ANOS1: variants seen among roughly 807,000 people sequenced by gnomAD.
ANOS1 encodes the protein anosmin 1, also known as anosmin-1.
A neutral mutation model predicts 59.0 loss-of-function variants in ANOS1; 6 were observed. The observed-to-expected ratio is 0.10, with a 90% CI of 0.06 to 0.20. The LOEUF (loss-of-function observed/expected upper bound fraction) is 0.20. ANOS1 is among the 10% of genes least tolerant of loss of function. The pLI is 1.00. For synonymous variants in ANOS1, 217 were observed against 223.4 expected (o/e 0.97, Z 0.25); for missense variants, 433 against 542.3 (o/e 0.80, Z 2.00).
intron 9 of ANOS1, among the ~76,000 whole-genome samples, chrX:8,546,199 G>C (rs1162460122): frequency 3.6e-5 from 4 of 112,127 alleles, no homozygotes; most frequent in Non-Finnish European, 7.5e-5. Flanking sequence ...CATGTTTTAT[G>C]AATGTCTGGG....
intron 6 of ANOS1, among the ~76,000 whole-genome samples, chrX:8,573,056 ATTTTTT>A (rs34564264): frequency 1.6e-4 from 13 of 81,178 alleles, no homozygotes; most frequent in African/African-American, 6.6e-4. Context: ...ACTCTACTGG[ATTTTTT>A]TTTTTTTTTT....
intron 6 of ANOS1, among the ~76,000 whole-genome samples, chrX:8,583,945 T>A (rs1273226374): frequency 1.8e-5 from 2 of 111,706 alleles, no homozygotes; most frequent in Non-Finnish European, 3.8e-5. Flanking sequence ...GCCCAGATCC[T>A]GAGGATCTTG....
At chrX:8,701,013 AAAAT>A (rs775551919) in intron 1 of ANOS1, among the ~76,000 whole-genome samples, 6 of 112,022 alleles carry the variant, frequency 5.4e-5, no homozygotes, top group Non-Finnish European at 9.4e-5. Context: ...CCATCTCAAA[AAAAT>A]AAATAAATAA....
At chrX:8,567,550 T>A in intron 8 of ANOS1, among the ~76,000 whole-genome samples, 1 of 111,979 alleles carries the variant, frequency 8.9e-6, no homozygotes, top group Non-Finnish European at 1.9e-5. Flanking sequence ...TCCCAGCACT[T>A]TGGGAGGCCG....
chrX:8,605,670 G>A (rs1471481059), intron 3 of ANOS1, among the ~76,000 whole-genome samples: 4 of 101,319 alleles, frequency 3.9e-5, no homozygotes, highest in Non-Finnish European at 4.0e-5. Context: ...AAAAGGAAAA[G>A]AAAGAAAAGA....
At chrX:8,538,326 T>C (rs2146788349) in intron 10 of ANOS1, among the ~76,000 whole-genome samples, 1 of 112,651 alleles carries the variant, frequency 8.9e-6, no homozygotes, top group South Asian at 3.6e-4. Context: ...AGTGAATTAG[T>C]GGATGCTCCA....
intron 1 of ANOS1, among the ~76,000 whole-genome samples, chrX:8,720,297 A>C (rs904165925): frequency 9.0e-6 from 1 of 111,392 alleles, no homozygotes; most frequent in African/African-American, 3.3e-5. Flanking sequence ...AGGACACCGC[A>C]ACTTTTGTTG....
chrX:8,646,794 G>T (rs931982258), intron 2 of ANOS1, among the ~76,000 whole-genome samples: 2 of 108,807 alleles, frequency 1.8e-5, no homozygotes, highest in Non-Finnish European at 1.9e-5. Context: ...TTAGCTTGGC[G>T]TGGTGGTGCA....
At chrX:8,626,715 T>C (rs1283709484) in intron 2 of ANOS1, among the ~76,000 whole-genome samples, 1 of 107,721 alleles carries the variant, frequency 9.3e-6, no homozygotes, top group Non-Finnish European at 1.9e-5. Context: ...AAAAAAATTA[T>C]CCAGGCGTGG....
chrX:8,659,114 C>G (rs1363562812), intron 2 of ANOS1, among the ~76,000 whole-genome samples: 2 of 110,766 alleles, frequency 1.8e-5, no homozygotes, highest in African/African-American at 6.6e-5. Context: ...GTAATCCCAG[C>G]TACTCAGGAG....
chrX:8,596,150 T>C (rs902218813), intron 4 of ANOS1, among the ~76,000 whole-genome samples: 95 of 111,137 alleles, frequency 8.5e-4, no homozygotes, highest in African/African-American at 3.0e-3. Context: ...AATGTTATAA[T>C]AATAGAAATA....
In ANOS1 at chrX:8,713,075, T is replaced by C. The variant is rs73477316; in HGVS notation, c.208-13330A>G. ...GTCAACAAGGTGGAATCAAAACTCATGTTTCAAAAGACATGGCAGCCAGAC... is the reference window on the plus strand; with the variant it reads ...GTCAACAAGGTGGAATCAAAACTCACGTTTCAAAAGACATGGCAGCCAGAC... On this transcript the variant is annotated intron_variant, in intron 1 of 13. Coordinates refer to ENST00000262648, the MANE Select transcript of ANOS1 (RefSeq NM_000216.4). Among the ~76,000 whole-genome samples the C allele has an allele frequency of 5.2e-3, 578 of 110,919 alleles. 3 individuals are homozygous for C. Among genetic ancestry groups the C allele is most frequent in the African/African-American group, 0.018 (542 of 30,544 alleles).
At chrX:8,700,051 A>C (rs1310154821) in intron 1 of ANOS1, among the ~76,000 whole-genome samples, 1 of 112,202 alleles carries the variant, frequency 8.9e-6, no homozygotes, top group Non-Finnish European at 1.9e-5. Flanking sequence ...GTAAATGAAC[A>C]CTAGACGTTC....
At chrX:8,694,225 G>A (rs1932650436) in intron 2 of ANOS1, among the ~76,000 whole-genome samples, 1 of 111,866 alleles carries the variant, frequency 8.9e-6, no homozygotes, top group African/African-American at 3.2e-5. Context: ...CAAATGAAAT[G>A]CATTTAAAGA....
At chrX:8,557,564 G>A (rs1304507503) in intron 8 of ANOS1, among the ~76,000 whole-genome samples, 2 of 112,027 alleles carry the variant, frequency 1.8e-5, no homozygotes, top group Non-Finnish European at 3.8e-5. Context: ...GCCAATAAAC[G>A]TATGAAAAAA....
intron 8 of ANOS1, among the ~76,000 whole-genome samples, chrX:8,563,566 G>A (rs111297418): frequency 0.04 from 4,452 of 112,093 alleles, 222 homozygotes; most frequent in African/African-American, 0.14. Context: ...GTCCAACCTT[G>A]GTTGTTCCAA....
At chrX:8,676,870 C>T (rs887220265) in intron 2 of ANOS1, among the ~76,000 whole-genome samples, 4 of 111,828 alleles carry the variant, frequency 3.6e-5, no homozygotes, top group African/African-American at 6.5e-5. Flanking sequence ...ACAATCATAA[C>T]CTCAGAAACT....
At chrX:8,689,169 C>A (rs1208414594) in intron 2 of ANOS1, among the ~76,000 whole-genome samples, 1 of 112,022 alleles carries the variant, frequency 8.9e-6, no homozygotes, top group Non-Finnish European at 1.9e-5. Flanking sequence ...TATTTCCTGG[C>A]CATTTAAGAA....
intron 2 of ANOS1, among the ~76,000 whole-genome samples, chrX:8,642,804 A>C (rs1021908188): frequency 4.5e-5 from 5 of 111,580 alleles, no homozygotes; most frequent in Non-Finnish European, 7.5e-5. Flanking sequence ...GTAGGTTTGA[A>C]GTTGCAGCCA....
Sources: gnomAD v4.1 joint callset for allele counts (sites outside exome capture counted in the v4.1 genomes callset) on GRCh38, gnomAD v4.1.1 for gene constraint, MANE v1.5 for transcripts, NCBI Gene and HGNC (gene_info 2026-07-23, HGNC 2026-07-21) for gene names.